MPPED2: variants seen among roughly 807,000 people sequenced by gnomAD.
MPPED2 encodes metallophosphoesterase domain containing 2.
In MPPED2, 5 loss-of-function variants were observed where a neutral mutation model predicts 33.0. The ratio of observed to expected loss-of-function variants is 0.15; its 90% CI spans 0.08 to 0.32. The LOEUF is 0.32. Ranked by LOEUF, MPPED2 falls within the 10% of genes least tolerant of loss-of-function variation. The probability of loss-of-function intolerance (pLI) is 1.00; values close to 1 mark genes in which losing one functional copy is unlikely to be tolerated. For missense variants in MPPED2, 275 were observed against 372.1 expected (o/e 0.74, Z 2.15); for synonymous variants, 136 against 141.9 (o/e 0.96, Z 0.29).
In MPPED2 at chr11:30,410,296, C is replaced by T. The variant is rs1436442303; in HGVS notation, c.*1172G>A. On this transcript the variant is annotated 3_prime_UTR_variant, in exon 7 of 7. Transcript: ENST00000358117. ...GAATATCACAATAAATTTAAAGAAA[C>T]AACTGCTTTCCTAAATTTCATTAAC... 1 of 985,096 alleles carries T rather than the reference C, an allele frequency of 1.0e-6. No individual in the cohort carries two copies. Among genetic ancestry groups the T allele is most frequent in the African/African-American group, 1.7e-5 (1 of 57,200 alleles). The allele number at this position is 985,096 out of a possible 1,614,324, so 61.0% of individuals were successfully genotyped here.
chr11:30,415,736 C>T (rs1205760968), intron 5 of MPPED2, among the ~76,000 whole-genome samples: 1 of 152,192 alleles, frequency 6.6e-6, no homozygotes, highest in African/African-American at 2.4e-5. Flanking sequence ...ATTAAGAGTT[C>T]CTGGGATGTC....
At chr11:30,515,630 T>C (rs937916163) in intron 3 of MPPED2, among the ~76,000 whole-genome samples, 1 of 152,154 alleles carries the variant, frequency 6.6e-6, no homozygotes, top group Non-Finnish European at 1.5e-5. Context: ...ATCAGAGTGG[T>C]TGTACAACCT....
intron 4 of MPPED2, among the ~76,000 whole-genome samples, chr11:30,489,818 C>A (rs187084528): frequency 6.6e-6 from 1 of 152,184 alleles, no homozygotes; most frequent in African/African-American, 2.4e-5. Context: ...AAGGTGCAGG[C>A]TTTCGCTGAA....
At chr11:30,553,125 T>C (rs1297511929) in intron 2 of MPPED2, among the ~76,000 whole-genome samples, 1 of 152,194 alleles carries the variant, frequency 6.6e-6, no homozygotes, top group Non-Finnish European at 1.5e-5. Flanking sequence ...ATTCCTTCTT[T>C]TCTCCTCTTG....
chr11:30,414,915 C>G (rs1948275797), intron 5 of MPPED2, among the ~76,000 whole-genome samples: 1 of 152,172 alleles, frequency 6.6e-6, no homozygotes, highest in African/African-American at 2.4e-5. Context: ...CTCACAGTGG[C>G]ATCCAGCAAG....
chr11:30,504,558 G>T (rs16920847), intron 3 of MPPED2, among the ~76,000 whole-genome samples: 1 of 152,104 alleles, frequency 6.6e-6, no homozygotes, highest in Non-Finnish European at 1.5e-5. Context: ...GCACTTAGTT[G>T]GTACCCACTG....
intron 4 of MPPED2, among the ~76,000 whole-genome samples, chr11:30,446,723 G>A (rs527344874): frequency 2.0e-5 from 3 of 152,164 alleles, no homozygotes; most frequent in East Asian, 1.9e-4. Flanking sequence ...TAACAGCAAA[G>A]GCAGCCAACG....
intron 4 of MPPED2, chr11:30,451,697 A>G (rs1950071043): frequency 2.1e-6 from 2 of 968,820 alleles, no homozygotes; most frequent in East Asian, 1.1e-4. Flanking sequence ...GTATTTCAAA[A>G]ACATTAGAGA....
intron 6 of MPPED2, among the ~76,000 whole-genome samples, chr11:30,393,263 A>G (rs912880286): frequency 6.6e-6 from 1 of 151,068 alleles, no homozygotes; most frequent in Non-Finnish European, 1.5e-5. Flanking sequence ...TGCTCTCACT[A>G]CATCCTGGAT....
intron 4 of MPPED2, among the ~76,000 whole-genome samples, chr11:30,460,599 G>T (rs1360792187): frequency 6.6e-6 from 1 of 151,916 alleles, no homozygotes; most frequent in African/African-American, 2.4e-5. Flanking sequence ...CTCCAGCCTG[G>T]GCAACAGAGC....
intron 4 of MPPED2, among the ~76,000 whole-genome samples, chr11:30,494,672 A>T (rs1952152382): frequency 7.7e-6 from 1 of 129,218 alleles, no homozygotes; most frequent in Non-Finnish European, 1.6e-5. Context: ...CAGGAGGCGG[A>T]GGTTGCAGTG....
intron 4 of MPPED2, among the ~76,000 whole-genome samples, chr11:30,477,196 C>G (rs922939536): frequency 6.6e-6 from 1 of 152,052 alleles, no homozygotes; most frequent in Admixed American, 6.6e-5. Context: ...TGTCTCCAAT[C>G]TTCACTCCTT....
At chr11:30,458,878 A>G (rs1950393205) in intron 4 of MPPED2, among the ~76,000 whole-genome samples, 1 of 147,248 alleles carries the variant, frequency 6.8e-6, no homozygotes, top group Non-Finnish European at 1.5e-5. Context: ...TAGAGACTAG[A>G]CTACTTAAAT....
intron 6 of MPPED2, among the ~76,000 whole-genome samples, chr11:30,398,043 G>T (rs1812597650): frequency 6.6e-6 from 1 of 151,994 alleles, no homozygotes; most frequent in Admixed American, 6.6e-5. Context: ...AAAGAAACTG[G>T]GATGGAGATT....
At chr11:30,538,803 G>T (rs527349911) in intron 2 of MPPED2, among the ~76,000 whole-genome samples, 4 of 152,034 alleles carry the variant, frequency 2.6e-5, no homozygotes, top group African/African-American at 9.7e-5. Flanking sequence ...ACAGAAGATC[G>T]ATTCAAGGCA....
intron 2 of MPPED2, among the ~76,000 whole-genome samples, chr11:30,579,177 T>C (rs1957056332): frequency 6.6e-6 from 1 of 151,410 alleles, no homozygotes; most frequent in African/African-American, 2.4e-5. Context: ...TTAGCGTTTG[T>C]AAATTCCAGG....
chr11:30,473,267 T>A (rs1722756580), intron 4 of MPPED2, among the ~76,000 whole-genome samples: 1 of 152,192 alleles, frequency 6.6e-6, no homozygotes, highest in African/African-American at 2.4e-5. Flanking sequence ...TCTCAGCTTG[T>A]TTCTGTAATC....
intron 4 of MPPED2, among the ~76,000 whole-genome samples, chr11:30,448,207 T>C (rs117247863): frequency 0.018 from 2,684 of 152,298 alleles, 35 homozygotes; most frequent in Non-Finnish European, 0.028. Context: ...CTAAAGGACA[T>C]CTTGATGTCA....
chr11:30,409,081 G>A (rs1236415929), downstream of MPPED2, among the ~76,000 whole-genome samples: 1 of 152,194 alleles, frequency 6.6e-6, no homozygotes. Flanking sequence ...ATTTTAGTAA[G>A]TGCTTAGCTC....
Sources: allele counts gnomAD v4.1 joint callset (sites outside exome capture counted in the v4.1 genomes callset), GRCh38; gene constraint gnomAD v4.1.1; transcripts MANE v1.5; gene names NCBI Gene and HGNC (gene_info 2026-07-23, HGNC 2026-07-21).